The following FGF12 variants were observed in gnomAD, a reference collection of about 807,000 sequenced individuals.
FGF12 encodes the protein fibroblast growth factor 12.
In FGF12, 14 loss-of-function variants were observed where a neutral mutation model predicts 23.6. The observed-to-expected ratio is 0.59, with a 90% CI of 0.39 to 0.93. The LOEUF is 0.93. Ranked by LOEUF, FGF12 falls within the 40% of genes least tolerant of loss-of-function variation. The probability of loss-of-function intolerance (pLI) is 0.00; values close to 1 mark genes in which losing one functional copy is unlikely to be tolerated. For synonymous variants in FGF12, 62 were observed against 77.3 expected, an observed-to-expected ratio of 0.80 and a Z score of 1.04; for missense variants, 175 against 217.8, an observed-to-expected ratio of 0.80 and a Z score of 1.24.
intron 2 of FGF12, among the ~76,000 whole-genome samples, chr3:192,566,597 C>G (rs1030927604): frequency 5.3e-5 from 8 of 152,124 alleles, no homozygotes; most frequent in African/African-American, 1.9e-4. Context: ...TTTTGTTTCT[C>G]TAAAGTCTAC....
intron 2 of FGF12, among the ~76,000 whole-genome samples, chr3:192,411,303 G>A (rs1721193049): frequency 6.6e-6 from 1 of 152,242 alleles, no homozygotes; most frequent in African/African-American, 2.4e-5. Context: ...GGGCAAAGCA[G>A]AGGCTGGCAG....
chr3:192,230,429 G>A (rs577184386), intron 4 of FGF12, among the ~76,000 whole-genome samples: 2 of 152,050 alleles, frequency 1.3e-5, no homozygotes, highest in South Asian at 2.1e-4. Flanking sequence ...ATTTCTGGAC[G>A]GCAAGGATTG....
chr3:192,280,662 C>A (rs1209394676), intron 4 of FGF12, among the ~76,000 whole-genome samples: 1 of 152,010 alleles, frequency 6.6e-6, no homozygotes, highest in African/African-American at 2.4e-5. Context: ...GAACTATCAT[C>A]CTCATTTGAC....
At chr3:192,544,187 C>T (rs763386724) in intron 2 of FGF12, among the ~76,000 whole-genome samples, 4 of 152,196 alleles carry the variant, frequency 2.6e-5, no homozygotes, top group African/African-American at 9.7e-5. Flanking sequence ...CCCACAATCA[C>T]TGTGCTCTCC....
chr3:192,700,094 T>C (rs1478989660), intron 2 of FGF12, among the ~76,000 whole-genome samples: 1 of 152,200 alleles, frequency 6.6e-6, no homozygotes, highest in Non-Finnish European at 1.5e-5. Context: ...CTGAGGGTGG[T>C]AATTAGCACG....
In FGF12 at chr3:192,408,376, C is replaced by A. The variant is rs1463170152; in HGVS notation, c.14-47838G>T. The A allele has an allele frequency of 2.1e-6, 3 of 1,418,276 alleles. No homozygotes were observed. The highest frequency in any genetic ancestry group is 1.4e-5 in the African/African-American group (1 of 69,022). The allele number at this position is 1,418,276 out of a possible 1,614,324, so 87.9% of individuals were successfully genotyped here. A position where few individuals can be genotyped will look rare whatever the true frequency, so the allele number is the denominator to read the frequency against. On this transcript the variant is annotated intron_variant, in intron 2 of 5. Coordinates refer to ENST00000445105, the MANE Select transcript of FGF12 (RefSeq NM_004113.6). The surrounding 1 kb of genome is among the most constrained non-coding windows in gnomAD (Gnocchi z 7.3). ...GGAGGCTGCAGTATCGAAAACCCGGCGCTCACAAGGTTAGTCAAAGTCTGG... is the reference window on the plus strand; with the variant it reads ...GGAGGCTGCAGTATCGAAAACCCGGAGCTCACAAGGTTAGTCAAAGTCTGG...
intron 2 of FGF12, among the ~76,000 whole-genome samples, chr3:192,586,993 A>G (rs944926449): frequency 6.6e-6 from 1 of 152,186 alleles, no homozygotes; most frequent in African/African-American, 2.4e-5. Flanking sequence ...GTCTAACATG[A>G]TAATTCTTAC....
chr3:192,438,016 A>G (rs552877978), intron 2 of FGF12, among the ~76,000 whole-genome samples: 67 of 152,250 alleles, frequency 4.4e-4, no homozygotes, highest in African/African-American at 1.5e-3. Flanking sequence ...GATGAATCCA[A>G]CTTTTTTCCT....
chr3:192,666,156 A>G (rs1357442299), intron 2 of FGF12, among the ~76,000 whole-genome samples: 2 of 152,208 alleles, frequency 1.3e-5, no homozygotes, highest in African/African-American at 4.8e-5. Flanking sequence ...AATAAACATT[A>G]AAAAGTCATT....
intron 4 of FGF12, among the ~76,000 whole-genome samples, chr3:192,188,454 A>G (rs1035663708): frequency 6.6e-6 from 1 of 152,192 alleles, no homozygotes; most frequent in East Asian, 1.9e-4. Flanking sequence ...AAGAGGCTAC[A>G]GTTGGTGGGA....
At chr3:192,677,636 C>A (rs1241210666) in intron 2 of FGF12, among the ~76,000 whole-genome samples, 1 of 152,216 alleles carries the variant, frequency 6.6e-6, no homozygotes. Flanking sequence ...GCCATATGTT[C>A]TATGCCTGAG....
At chr3:192,575,020 TA>T (rs2108608720) in intron 2 of FGF12, among the ~76,000 whole-genome samples, 1 of 152,366 alleles carries the variant, frequency 6.6e-6, no homozygotes, top group South Asian at 2.1e-4. Context: ...ATAAACAGAC[TA>T]TGGTATATCC....
At chr3:192,170,423 A>G (rs1158201406) in intron 5 of FGF12, 35 bp downstream of exon 5, 1 of 1,577,428 alleles carries the variant, frequency 6.3e-7, no homozygotes, top group Non-Finnish European at 8.7e-7. Context: ...ACACACAGAT[A>G]AGGGTCCAAC....
chr3:192,437,921 G>T (rs1391468653), intron 2 of FGF12, among the ~76,000 whole-genome samples: 1 of 151,896 alleles, frequency 6.6e-6, no homozygotes, highest in Non-Finnish European at 1.5e-5. Context: ...TCCTTCTTTT[G>T]TCCCTGAATA....
Position 192,360,296 on chromosome 3 carries a change from A to C in FGF12, c.124+132T>G, listed in dbSNP as rs143880646. The C allele has an allele frequency of 1.5e-6, 1 of 650,992 alleles. No individual in the cohort carries two copies. Among genetic ancestry groups the C allele is most frequent in the African/African-American group, 1.8e-5 (1 of 55,040 alleles). The allele number at this position is 650,992 out of a possible 1,614,324, so 40.3% of individuals were successfully genotyped here. A position where few individuals can be genotyped will look rare whatever the true frequency, so the allele number is the denominator to read the frequency against. On this transcript the variant is annotated intron_variant, in intron 3 of 5. Transcript: ENST00000445105. The surrounding 1 kb of genome is among the most constrained non-coding windows in gnomAD (Gnocchi z 4.3). ...TAGCAAGAAGGATAAAGGAAAAGACACTAGCTTACTAATAGTTAAATAGTT... is the reference window on the plus strand; with the variant it reads ...TAGCAAGAAGGATAAAGGAAAAGACCCTAGCTTACTAATAGTTAAATAGTT...
intron 2 of FGF12, among the ~76,000 whole-genome samples, chr3:192,559,323 G>T (rs890200579): frequency 6.6e-6 from 1 of 151,860 alleles, no homozygotes; most frequent in Admixed American, 6.6e-5. Context: ...TTTCTCCAAA[G>T]AAGACATATA....
intron 4 of FGF12, among the ~76,000 whole-genome samples, chr3:192,247,925 A>G (rs1711734906): frequency 6.6e-6 from 1 of 152,194 alleles, no homozygotes; most frequent in Non-Finnish European, 1.5e-5. Flanking sequence ...ATGTCTAAAA[A>G]ATTAGGACTT....
chr3:192,167,251 T>A (rs1421834327), intron 5 of FGF12, among the ~76,000 whole-genome samples: 2 of 151,696 alleles, frequency 1.3e-5, no homozygotes, highest in Non-Finnish European at 2.9e-5. Flanking sequence ...GTGCGATAAG[T>A]AGCATATGGC....
intron 2 of FGF12, among the ~76,000 whole-genome samples, chr3:192,531,065 G>A (rs1725076260): frequency 6.6e-6 from 1 of 152,172 alleles, no homozygotes; most frequent in Non-Finnish European, 1.5e-5. Context: ...ACCCACCTCG[G>A]CCTCTCAAAG....
Sources: gnomAD v4.1 joint callset for allele counts (sites outside exome capture counted in the v4.1 genomes callset) on GRCh38, gnomAD v4.1.1 for gene constraint, Gnocchi (gnomAD v3.1) non-coding constraint, MANE v1.5 for transcripts, NCBI Gene and HGNC (gene_info 2026-07-23, HGNC 2026-07-21) for gene names.